The following M1AP variants were observed in gnomAD, a reference collection of about 807,000 sequenced individuals.
M1AP encodes meiosis 1 arrest protein.
A neutral mutation model predicts 51.2 loss-of-function variants in M1AP; 39 were observed. That is an observed-to-expected ratio of 0.76 (90% CI 0.59 to 1.00). The LOEUF is 1.00. M1AP is among the 50% of genes least tolerant of loss of function. M1AP has a pLI of 0.00. For synonymous variants in M1AP, 251 were observed against 249.2 expected, an observed-to-expected ratio of 1.01 and a Z score of -0.07; for missense variants, 545 against 641.2, an observed-to-expected ratio of 0.85 and a Z score of 1.62.
At chr2:74,610,176 AT>A (rs111535856) in intron 3 of M1AP, among the ~76,000 whole-genome samples, 166 of 142,254 alleles carry the variant, frequency 1.2e-3, no homozygotes, top group Admixed American at 1.1e-3. Context: ...TTATTTTTGT[AT>A]TTTTTTTTTT....
rs201666042 is a variant in M1AP, at chr2:74,576,444, C to T, written c.932+12G>A. ...CATTTGCATGGATTGGGGAGGTTCC[C>T]TTGGACCATACTTGATCACTTGGAG... On this transcript the variant is annotated intron_variant, in intron 6 of 10. Transcript: ENST00000421985. The T allele has an allele frequency of 1.2e-3, 1,920 of 1,612,992 alleles. 7 individuals carry two copies. The highest frequency in any genetic ancestry group is 1.6e-3 in the Non-Finnish European group (1,847 of 1,179,798).
intron 2 of M1AP, among the ~76,000 whole-genome samples, chr2:74,623,288 G>C (rs112017220): frequency 4.1e-4 from 62 of 152,208 alleles, no homozygotes; most frequent in Non-Finnish European, 7.2e-4. Flanking sequence ...CAGACTGCTT[G>C]AGCTCAAGAG....
rs375156432 is a variant in M1AP, at chr2:74,640,327, C to A, written c.-52G>T. ...AGCCACCAGCTGGATATTCTTTACA[C>A]CTATAGGGAAGGAAAGAGAAACCAC... On this transcript the variant is annotated splice_region_variant and 5_prime_UTR_variant, in exon 2 of 11. Coordinates refer to ENST00000421985, the MANE Select transcript of M1AP (RefSeq NM_001321739.2). 2.6e-5 allele frequency: 41 copies of A among 1,588,910 alleles called. No homozygotes were observed. In the African/African-American group the frequency reaches 4.1e-4, roughly 16 times the overall value.
At position 74,566,823 on chromosome 2, in the gene M1AP, A is replaced by C. The variant is rs566809764; in HGVS notation, c.1075-4400T>G. 1.1e-4 allele frequency among the ~76,000 whole-genome samples: 17 copies of C among 152,294 alleles called. No individual in the cohort carries two copies. The East Asian group carries it at 3.3e-3, about 29-fold the overall frequency. ...CAACTGGCTCATTGCCTGTGTACTT[A>C]GACTCCTGCTGAACACATCATGGCT... On this transcript the variant is annotated intron_variant, in intron 7 of 10. Transcript: ENST00000421985.
chr2:74,614,822 G>T, intron 3 of M1AP, 142 bp downstream of exon 3: 1 of 677,806 alleles, frequency 1.5e-6, no homozygotes, highest in Non-Finnish European at 2.5e-6. Context: ...CATGTCCTCT[G>T]CCTGTAGGGA....
chr2:74,610,656 A>G (rs1348847457), intron 3 of M1AP, among the ~76,000 whole-genome samples: 1 of 151,730 alleles, frequency 6.6e-6, no homozygotes, highest in Non-Finnish European at 1.5e-5. Context: ...GGGTCTCACT[A>G]TGTTGTCCAG....
chr2:74,628,779 T>A (rs1682542872), intron 2 of M1AP: 2 of 510,826 alleles, frequency 3.9e-6, no homozygotes, highest in Admixed American at 2.2e-5. Flanking sequence ...GCTGAGTAAC[T>A]CACAGAGAAG....
At chr2:74,581,565 C>T in intron 5 of M1AP, 109 bp downstream of exon 5, 2 of 1,040,080 alleles carry the variant, frequency 1.9e-6, no homozygotes, top group South Asian at 1.6e-5. Context: ...AACCCTCTTC[C>T]AGTCCCTAAA....
intron 2 of M1AP, 93 bp from the exon 3 acceptor site, chr2:74,615,242 A>C: frequency 8.8e-7 from 1 of 1,133,496 alleles, no homozygotes; most frequent in Non-Finnish European, 1.3e-6. Context: ...ATTCCTCAGA[A>C]GTTCCTTCCC....
intron 5 of M1AP, among the ~76,000 whole-genome samples, chr2:74,581,012 G>A (rs1176840904): frequency 6.6e-6 from 1 of 152,162 alleles, no homozygotes; most frequent in Non-Finnish European, 1.5e-5. Context: ...ATGGGAGAAT[G>A]GAAATGGCCT....
rs191044311 is a variant in M1AP at position 74,615,612 on chromosome 2, C to T, written c.241-463G>A. ...GTGGTTGATCACTTCAGAATTCATA[C>T]GTCCTATCTAATACGCTCTTTAGGA... On this transcript the variant is annotated intron_variant, in intron 2 of 10. Coordinates refer to ENST00000421985, the MANE Select transcript of M1AP (RefSeq NM_001321739.2). The T allele has an allele frequency of 2.1e-3, 351 of 168,744 alleles. 1 individual carries two copies. The highest frequency in any genetic ancestry group is 8.1e-3 in the African/African-American group (339 of 41,928). 10.5% of individuals were successfully genotyped at this position (168,744 alleles called of 1,614,324 possible).
chr2:74,572,052 GGA>G (rs1678779255), intron 7 of M1AP, among the ~76,000 whole-genome samples: 1 of 151,976 alleles, frequency 6.6e-6, no homozygotes. Context: ...TTCCAGAATA[GGA>G]GAGTGGTCTT....
chr2:74,639,494 C>T lies in M1AP; in HGVS notation c.240+542G>A, dbSNP rs79096673. ...TATGTATGAAGGAGCTTTGTAAAGA[C>T]ACTGCCCCTGGCCCAGCCATTGCCT... On this transcript the variant is annotated intron_variant, in intron 2 of 10. Coordinates refer to ENST00000421985, the MANE Select transcript of M1AP (RefSeq NM_001321739.2). Among the ~76,000 whole-genome samples the T allele has an allele frequency of 4.6e-3, 708 of 152,324 alleles. 7 individuals carry two copies. The highest frequency in any genetic ancestry group is 0.016 in the African/African-American group (679 of 41,568).
In M1AP at chr2:74,618,746, G is replaced by C. The variant is rs184832980; in HGVS notation, c.241-3597C>G. The stretch of plus-strand genomic sequence containing the variant: ...AACTTCTATATCCCGAAAGTTCACA[G>C]GTGCAAATGTGCCAAACCCCAAAGA... On this transcript the variant is annotated intron_variant, in intron 2 of 10. Transcript: ENST00000421985. 1.3e-4 allele frequency: 30 copies of C among 229,666 alleles called. 1 individual carries two copies. In the Admixed American group the frequency reaches 1.3e-3, roughly 10 times the overall value. 14.2% of individuals were successfully genotyped at this position (229,666 alleles called of 1,614,324 possible).
At chr2:74,611,892 T>TTG (rs1553414989) in intron 3 of M1AP, among the ~76,000 whole-genome samples, 3 of 76,632 alleles carry the variant, frequency 3.9e-5, no homozygotes, top group South Asian at 7.4e-4. Context: ...GTTTTTTTTT[T>TTG]TTTTTTTTTT....
chr2:74,614,834 C>T, intron 3 of M1AP, 130 bp downstream of exon 3: 3 of 769,612 alleles, frequency 3.9e-6, no homozygotes, highest in Middle Eastern at 3.9e-4. Flanking sequence ...CTGTAGGGAG[C>T]TGAAAATCTT....
chr2:74,582,227 C>T (rs1352257869), intron 4 of M1AP, among the ~76,000 whole-genome samples: 2 of 152,220 alleles, frequency 1.3e-5, no homozygotes, highest in East Asian at 1.9e-4. Context: ...ATTATAGGCA[C>T]TTGTCACTGG....
chr2:74,645,767 G>A (rs1281889657), intron 1 of M1AP, among the ~76,000 whole-genome samples: 1 of 152,158 alleles, frequency 6.6e-6, no homozygotes, highest in Non-Finnish European at 1.5e-5. Context: ...CTCCACAGTT[G>A]CAGTACCTCT....
Position 74,615,066 on chromosome 2 carries a change from T to C in M1AP, c.324A>G (p.Gln108=), listed in dbSNP as rs1242229239. The C allele has an allele frequency of 1.9e-6, 3 of 1,614,056 alleles. No individual in the cohort carries two copies. Among genetic ancestry groups the C allele is most frequent in the East Asian group, 2.2e-5 (1 of 44,902 alleles). ...MLQREGCFRS[Q]GASLRLAVED... Reference sequence around the variant, plus strand: ...CTACTGCCAGCCGCAGAGAAGCACCTTGTGATCTGAAACACCCTTCTCTCT... The same window carrying C: ...CTACTGCCAGCCGCAGAGAAGCACCCTGTGATCTGAAACACCCTTCTCTCT... Residue 108 remains glutamine, a synonymous_variant, in exon 3 of 11, where the codon CAA becomes CAG. Coordinates refer to ENST00000421985, the MANE Select transcript of M1AP (RefSeq NM_001321739.2).
Sources: allele counts gnomAD v4.1 joint callset (sites outside exome capture counted in the v4.1 genomes callset), GRCh38; gene constraint gnomAD v4.1.1; transcripts MANE v1.5; gene names NCBI Gene and HGNC (gene_info 2026-07-23, HGNC 2026-07-21).